The following NFIB variants were observed in gnomAD, a reference collection of about 807,000 sequenced individuals.
The protein encoded by NFIB is nuclear factor I B.
Under a neutral mutation model 61.5 loss-of-function variants are expected in NFIB, and 11 were observed. That is an observed-to-expected ratio of 0.18 (90% CI 0.11 to 0.30). The LOEUF (loss-of-function observed/expected upper bound fraction) is 0.30. Ranked by LOEUF, NFIB falls within the 10% of genes least tolerant of loss-of-function variation. NFIB has a pLI of 1.00. For missense variants in NFIB, 471 were observed against 608.9 expected, an observed-to-expected ratio of 0.77 and a Z score of 2.38; for synonymous variants, 260 against 216.5, an observed-to-expected ratio of 1.20 and a Z score of -1.76.
At chr9:14,362,391 T>C (rs10491776) in intron 1 of NFIB, 10,208 of 152,254 alleles carry the variant, frequency 0.067, 353 homozygotes, top group South Asian at 0.13. Flanking sequence ...TGTCTGCCAC[T>C]GTCAACAAAT....
the NFIB span, among the ~76,000 whole-genome samples, chr9:14,427,949 T>TTTTTTTTTTTTTTG: frequency 1.1e-5 from 1 of 90,094 alleles, no homozygotes; most frequent in African/African-American, 5.5e-5. Flanking sequence ...TTTTTTTTTT[T>TTTTTTTTTTTTTTG]TTTTTTTTTT....
At chr9:14,350,469 C>A (rs1370834894) in intron 1 of NFIB, among the ~76,000 whole-genome samples, 1 of 151,786 alleles carries the variant, frequency 6.6e-6, no homozygotes, top group Non-Finnish European at 1.5e-5. Flanking sequence ...CAAATCGCCA[C>A]CCCCGCTGCC....
At chr9:14,398,777 G>C (rs2061713544) in exon 1 of NFIB, 1 of 577,826 alleles carries the variant, frequency 1.7e-6, no homozygotes, top group Non-Finnish European at 3.0e-6. Flanking sequence ...GAGTTTGAGG[G>C]TGACTGATGG....
chr9:14,284,695 T>C (rs141801029), intron 2 of NFIB, among the ~76,000 whole-genome samples: 1 of 152,362 alleles, frequency 6.6e-6, no homozygotes, highest in Non-Finnish European at 1.5e-5. Context: ...CATAGATATT[T>C]TATTTGAAAA....
intron 3 of NFIB, among the ~76,000 whole-genome samples, chr9:14,161,786 G>A (rs1225766637): frequency 6.6e-6 from 1 of 152,052 alleles, no homozygotes; most frequent in African/African-American, 2.4e-5. Flanking sequence ...TCCTTAGGCT[G>A]GAGTTCCCAG....
intron 1 of NFIB, among the ~76,000 whole-genome samples, chr9:14,335,437 A>G (rs2060874907): frequency 6.6e-6 from 1 of 152,214 alleles, no homozygotes. Flanking sequence ...TCCTTAATAA[A>G]TAATAGCGTT....
chr9:14,300,393 C>A (rs2059686123), intron 2 of NFIB, among the ~76,000 whole-genome samples: 1 of 152,190 alleles, frequency 6.6e-6, no homozygotes, highest in Non-Finnish European at 1.5e-5. Flanking sequence ...ATCATTTGCT[C>A]CGCCATAGCA....
chr9:14,267,736 C>T (rs1173971522), intron 2 of NFIB, among the ~76,000 whole-genome samples: 4 of 152,184 alleles, frequency 2.6e-5, no homozygotes, highest in Non-Finnish European at 5.9e-5. Flanking sequence ...CTGTCTTGTA[C>T]GCTACTGTAT....
At chr9:14,222,612 G>T (rs1006986193) in intron 2 of NFIB, among the ~76,000 whole-genome samples, 2 of 151,866 alleles carry the variant, frequency 1.3e-5, no homozygotes, top group Admixed American at 6.6e-5. Flanking sequence ...AGACCAGCCT[G>T]GGCAACAAAG....
chr9:14,095,083 C>A (rs1312938610), intron 10 of NFIB, among the ~76,000 whole-genome samples: 1 of 152,030 alleles, frequency 6.6e-6, no homozygotes, highest in Non-Finnish European at 1.5e-5. Flanking sequence ...TTACTGCACT[C>A]GTTTAGTAAA....
chr9:14,275,287 T>C (rs773012183), intron 2 of NFIB, among the ~76,000 whole-genome samples: 4 of 152,212 alleles, frequency 2.6e-5, no homozygotes, highest in Non-Finnish European at 5.9e-5. Context: ...TTCAATATCT[T>C]TGTGTTCAAC....
intron 2 of NFIB, among the ~76,000 whole-genome samples, chr9:14,189,647 C>G (rs955603595): frequency 3.3e-5 from 5 of 150,392 alleles, no homozygotes; most frequent in Non-Finnish European, 7.4e-5. Flanking sequence ...CCCTTGCAAA[C>G]GCTGACAACA....
rs2060414292 is a variant in NFIB, at chr9:14,313,956, G to A, written c.-445C>T. On this transcript the variant is annotated 5_prime_UTR_variant, in exon 1 of 11. Transcript: ENST00000380953. This position sits in a 1 kb window ranked among gnomAD's most constrained non-coding sequence, Gnocchi z 4.5. ...TTTTTCAAAAAAGGCGGGGAGGGGG[G>A]CGCGGGAGGGCGCAGGAGGGCGAGC... The A allele has an allele frequency of 9.4e-7, 1 of 1,059,790 alleles. No individual in the cohort carries two copies. Among genetic ancestry groups the A allele is most frequent in the South Asian group, 4.6e-5 (1 of 21,858 alleles). 65.6% of individuals were successfully genotyped at this position (1,059,790 alleles called of 1,614,324 possible). A position where few individuals can be genotyped will look rare whatever the true frequency, so the allele number is the denominator to read the frequency against.
At chr9:14,422,917 G>C in the NFIB span, among the ~76,000 whole-genome samples, 6 of 152,172 alleles carry the variant, frequency 3.9e-5, no homozygotes, top group African/African-American at 1.4e-4. Context: ...CCTCCATCTA[G>C]AGGAAGATGA....
chr9:14,354,479 G>A (rs972213657), intron 1 of NFIB, among the ~76,000 whole-genome samples: 2 of 152,218 alleles, frequency 1.3e-5, no homozygotes, highest in South Asian at 2.1e-4. Flanking sequence ...AGAATTAGCA[G>A]AGTTTTCAGC....
At chr9:14,481,705 G>A in the NFIB span, among the ~76,000 whole-genome samples, 8 of 152,040 alleles carry the variant, frequency 5.3e-5, no homozygotes, top group South Asian at 4.2e-4. Flanking sequence ...AGTTCTCTCC[G>A]GATATTACTA....
chr9:14,526,463 T>G, the NFIB span, among the ~76,000 whole-genome samples: 3 of 152,210 alleles, frequency 2.0e-5, no homozygotes, highest in African/African-American at 7.2e-5. Flanking sequence ...TAATAAAACA[T>G]GTAGCATAGC....
chr9:14,248,812 C>T (rs552855442), intron 2 of NFIB, among the ~76,000 whole-genome samples: 81 of 152,316 alleles, frequency 5.3e-4, no homozygotes, highest in African/African-American at 1.8e-3. Flanking sequence ...GAACATTTTC[C>T]TCCCCACTGG....
the NFIB span, among the ~76,000 whole-genome samples, chr9:14,507,494 A>T: frequency 3.2e-4 from 48 of 152,292 alleles, no homozygotes; most frequent in African/African-American, 1.1e-3. Context: ...TGTTCAAGTA[A>T]ACATGAGAAA....
Sources: allele counts gnomAD v4.1 joint callset (sites outside exome capture counted in the v4.1 genomes callset), GRCh38; gene constraint gnomAD v4.1.1; non-coding constraint Gnocchi (gnomAD v3.1); transcripts MANE v1.5; gene names NCBI Gene and HGNC (gene_info 2026-07-23, HGNC 2026-07-21).